The following NFIB variants were observed in gnomAD, a reference collection of about 807,000 sequenced individuals.
The protein encoded by NFIB is nuclear factor 1 B-type.
NFIB carries 11 observed loss-of-function variants against 61.5 expected under a neutral mutation model. The observed-to-expected ratio is 0.18, with a 90% CI of 0.11 to 0.30. The LOEUF (loss-of-function observed/expected upper bound fraction) is 0.30. NFIB is among the 10% of genes least tolerant of loss of function. The probability of loss-of-function intolerance (pLI) is 1.00; values close to 1 mark genes in which losing one functional copy is unlikely to be tolerated. For synonymous variants in NFIB, 260 were observed against 216.5 expected, an observed-to-expected ratio of 1.20 and a Z score of -1.76; for missense variants, 471 against 608.9, an observed-to-expected ratio of 0.77 and a Z score of 2.38.
the NFIB span, among the ~76,000 whole-genome samples, chr9:14,486,601 T>A: frequency 6.6e-6 from 1 of 152,150 alleles, no homozygotes; most frequent in Non-Finnish European, 1.5e-5. Context: ...TTGCTGGCCC[T>A]GATGAGAAGG....
At chr9:14,257,323 T>C (rs1488451517) in intron 2 of NFIB, among the ~76,000 whole-genome samples, 1 of 152,202 alleles carries the variant, frequency 6.6e-6, no homozygotes, top group Non-Finnish European at 1.5e-5. Flanking sequence ...AAAAAAACTG[T>C]GAAACACTGA....
intron 3 of NFIB, among the ~76,000 whole-genome samples, chr9:14,159,485 G>A (rs771936362): frequency 2.6e-5 from 4 of 152,162 alleles, no homozygotes; most frequent in Non-Finnish European, 4.4e-5. Context: ...TATTAACCAT[G>A]TACCTATGGG....
intron 2 of NFIB, among the ~76,000 whole-genome samples, chr9:14,200,402 C>T (rs1209468303): frequency 6.6e-6 from 1 of 152,154 alleles, no homozygotes; most frequent in Non-Finnish European, 1.5e-5. Flanking sequence ...GAATAAAACA[C>T]AATACCAAAA....
the NFIB span, among the ~76,000 whole-genome samples, chr9:14,413,580 A>G: frequency 6.6e-6 from 1 of 152,166 alleles, no homozygotes; most frequent in African/African-American, 2.4e-5. Flanking sequence ...CACTAAAAAC[A>G]TGTTGGCAGA....
At chr9:14,481,785 G>C in the NFIB span, among the ~76,000 whole-genome samples, 1 of 152,084 alleles carries the variant, frequency 6.6e-6, no homozygotes, top group African/African-American at 2.4e-5. Flanking sequence ...GACCTGTAAG[G>C]CCTTGTGATC....
At chr9:14,413,401 A>T in the NFIB span, among the ~76,000 whole-genome samples, 1 of 152,132 alleles carries the variant, frequency 6.6e-6, no homozygotes, top group Non-Finnish European at 1.5e-5. Flanking sequence ...AATACATAGC[A>T]CTCAGTTTGT....
chr9:14,195,497 T>C (rs1204289804), intron 2 of NFIB, among the ~76,000 whole-genome samples: 1 of 152,230 alleles, frequency 6.6e-6, no homozygotes, highest in African/African-American at 2.4e-5. Context: ...AAATTCTAAT[T>C]TTTATTTGAA....
intron 2 of NFIB, among the ~76,000 whole-genome samples, chr9:14,243,926 G>A (rs2054613085): frequency 1.3e-5 from 2 of 152,160 alleles, no homozygotes; most frequent in Admixed American, 1.3e-4. Context: ...ATTGGTAGCA[G>A]AATTAAACTG....
At chr9:14,488,527 T>C in the NFIB span, among the ~76,000 whole-genome samples, 1 of 152,280 alleles carries the variant, frequency 6.6e-6, no homozygotes, top group East Asian at 1.9e-4. Context: ...TGTTAGCTTA[T>C]AATTTTCATG....
At chr9:14,514,168 C>T in the NFIB span, among the ~76,000 whole-genome samples, 2 of 152,276 alleles carry the variant, frequency 1.3e-5, no homozygotes, top group East Asian at 1.9e-4. Context: ...TTGTATTACA[C>T]ATTTCTGTTT....
the NFIB span, among the ~76,000 whole-genome samples, chr9:14,524,733 C>G: frequency 6.6e-6 from 1 of 152,168 alleles, no homozygotes; most frequent in Admixed American, 6.5e-5. Context: ...TTGCAGATAG[C>G]ATCATACAAC....
intron 3 of NFIB, among the ~76,000 whole-genome samples, chr9:14,166,898 G>T (rs565372808): frequency 6.6e-6 from 1 of 152,032 alleles, no homozygotes; most frequent in African/African-American, 2.4e-5. Flanking sequence ...ACAGAATACC[G>T]CATTTATTGA....
At chr9:14,169,746 A>T (rs994258319) in intron 3 of NFIB, among the ~76,000 whole-genome samples, 7 of 152,232 alleles carry the variant, frequency 4.6e-5, no homozygotes, top group Admixed American at 2.6e-4. Context: ...TGAACCTGGG[A>T]GGCAAAAGTT....
At chr9:14,358,361 G>T (rs1053605539) in intron 1 of NFIB, among the ~76,000 whole-genome samples, 1 of 152,018 alleles carries the variant, frequency 6.6e-6, no homozygotes, top group Non-Finnish European at 1.5e-5. Context: ...ATCACTTTGG[G>T]ATAAATGTGT....
At chr9:14,175,710 G>C (rs1364092380) in intron 3 of NFIB, among the ~76,000 whole-genome samples, 1 of 152,118 alleles carries the variant, frequency 6.6e-6, no homozygotes, top group Admixed American at 6.5e-5. Context: ...CTACAAAAAG[G>C]AAAGTAGCAT....
chr9:14,463,135 T>C, the NFIB span, among the ~76,000 whole-genome samples: 1 of 104,834 alleles, frequency 9.5e-6, no homozygotes, highest in Non-Finnish European at 1.9e-5. Context: ...AATTAAATCA[T>C]AAAATAATTA....
At chr9:14,511,690 G>C in the NFIB span, among the ~76,000 whole-genome samples, 10 of 152,144 alleles carry the variant, frequency 6.6e-5, no homozygotes, top group Admixed American at 5.9e-4. Flanking sequence ...CTTTTCAAAT[G>C]TATTCTGAAT....
At chr9:14,473,656 C>T in the NFIB span, among the ~76,000 whole-genome samples, 4 of 152,204 alleles carry the variant, frequency 2.6e-5, no homozygotes, top group Non-Finnish European at 4.4e-5. Flanking sequence ...CCACTCTGTG[C>T]TGATAATCCA....
chr9:14,464,639 C>T, the NFIB span, among the ~76,000 whole-genome samples: 1 of 152,102 alleles, frequency 6.6e-6, no homozygotes, highest in Non-Finnish European at 1.5e-5. Context: ...AGGAAAGGAT[C>T]ACAAGAATGA....
Sources: allele counts gnomAD v4.1 joint callset (sites outside exome capture counted in the v4.1 genomes callset), GRCh38; gene constraint gnomAD v4.1.1; transcripts MANE v1.5; gene names NCBI Gene and HGNC (gene_info 2026-07-23, HGNC 2026-07-21).